The following CEP112 variants were observed in gnomAD, a reference collection of about 807,000 sequenced individuals.
CEP112 encodes centrosomal protein of 112 kDa.
A neutral mutation model predicts 153.0 loss-of-function variants in CEP112; 127 were observed. The observed-to-expected ratio is 0.83, with a 90% CI of 0.72 to 0.96. The LOEUF is 0.96. Among genes scored for constraint, CEP112 ranks in the 40% least tolerant of loss-of-function variants. CEP112 has a pLI of 0.00. For synonymous variants in CEP112, 358 were observed against 374.4 expected (o/e 0.96, Z 0.51); for missense variants, 1,089 against 1,101.2 (o/e 0.99, Z 0.16).
At chr17:65,842,605 G>A (rs2057562889) in intron 21 of CEP112, among the ~76,000 whole-genome samples, 1 of 152,244 alleles carries the variant, frequency 6.6e-6, no homozygotes, top group South Asian at 2.1e-4. Context: ...AAGCATTAAT[G>A]ATGATAGGTA....
At chr17:65,706,284 T>C (rs766609569) in intron 23 of CEP112, among the ~76,000 whole-genome samples, 2 of 152,096 alleles carry the variant, frequency 1.3e-5, no homozygotes, top group South Asian at 4.1e-4. Flanking sequence ...GGGGAAAGAA[T>C]TGTCTGCCAA....
At chr17:65,934,293 TA>T (rs1168040566) in intron 18 of CEP112, among the ~76,000 whole-genome samples, 1 of 152,138 alleles carries the variant, frequency 6.6e-6, no homozygotes, top group Admixed American at 6.5e-5. Flanking sequence ...TTATATGCAA[TA>T]AAGTTATTAT....
chr17:65,752,262 G>A (rs895518195), intron 21 of CEP112, among the ~76,000 whole-genome samples: 1 of 151,978 alleles, frequency 6.6e-6, no homozygotes, highest in Non-Finnish European at 1.5e-5. Context: ...TCAAAGTGAG[G>A]TCTCCAAAGC....
chr17:65,826,753 T>A (rs993655291), intron 21 of CEP112, among the ~76,000 whole-genome samples: 2 of 152,220 alleles, frequency 1.3e-5, no homozygotes, highest in Admixed American at 1.3e-4. Flanking sequence ...AAAATTCACA[T>A]ATCCCATCTC....
At chr17:65,979,790 T>C (rs2145119787) in intron 17 of CEP112, among the ~76,000 whole-genome samples, 1 of 152,138 alleles carries the variant, frequency 6.6e-6, no homozygotes, top group East Asian at 1.9e-4. Flanking sequence ...ATAATAAACA[T>C]ATAGTCACAT....
intron 20 of CEP112, among the ~76,000 whole-genome samples, chr17:65,857,738 A>G (rs1170260094): frequency 6.6e-6 from 1 of 152,048 alleles, no homozygotes; most frequent in African/African-American, 2.4e-5. Context: ...ATATTTTTAA[A>G]TTGATGTTAT....
rs190766787 is a variant in CEP112 at position 65,966,171 on chromosome 17, G to C, written c.1737-4573C>G. Among the ~76,000 whole-genome samples, 434 of 152,238 alleles carry C rather than the reference G, an allele frequency of 2.9e-3. 4 individuals are homozygous for C. The highest frequency in any genetic ancestry group is 1.0e-2 in the African/African-American group (415 of 41,558). The stretch of plus-strand genomic sequence containing the variant: ...TTTAGCTCTGATTTATTCATAAAGT[G>C]CAGTAAATTTTCCTCATCTGAGTAT... On this transcript the variant is annotated intron_variant, in intron 17 of 26. Transcript: ENST00000535342.
At chr17:66,001,214 C>T (rs956346820) in intron 17 of CEP112, among the ~76,000 whole-genome samples, 2 of 152,104 alleles carry the variant, frequency 1.3e-5, no homozygotes, top group African/African-American at 4.8e-5. Flanking sequence ...GTGTGGTCTG[C>T]GTGAGCTTTT....
chr17:65,996,908 C>G (rs11079617), intron 17 of CEP112, among the ~76,000 whole-genome samples: 62,487 of 151,942 alleles, frequency 0.41, 14,315 homozygotes, highest in East Asian at 0.87. Flanking sequence ...AATACTTTTT[C>G]TTTTCATTAA....
intron 21 of CEP112, among the ~76,000 whole-genome samples, chr17:65,776,700 C>T (rs1047946541): frequency 2.0e-5 from 3 of 152,134 alleles, no homozygotes; most frequent in African/African-American, 7.2e-5. Context: ...TGTTTCATTG[C>T]ACCACTGATT....
intron 21 of CEP112, among the ~76,000 whole-genome samples, chr17:65,797,671 T>C (rs1379737056): frequency 6.6e-6 from 1 of 152,190 alleles, no homozygotes; most frequent in Non-Finnish European, 1.5e-5. Context: ...ACCACACACC[T>C]GAATAGTTTA....
rs185694901 is a variant in CEP112 at position 65,905,969 on chromosome 17, A to G, written c.1981-3635T>C. Among the ~76,000 whole-genome samples the G allele has an allele frequency of 4.6e-3, 694 of 152,094 alleles. 7 individuals are homozygous for G. The highest frequency in any genetic ancestry group is 0.016 in the African/African-American group (661 of 41,494). On this transcript the variant is annotated intron_variant, in intron 19 of 26. Transcript: ENST00000535342. ...CAAAAAAAAAAAAGAAGACACATGC[A>G]CACTTATGTTTATTGCAGCACCCTT...
At chr17:65,863,494 G>A (rs577365210) in intron 20 of CEP112, among the ~76,000 whole-genome samples, 244 of 152,162 alleles carry the variant, frequency 1.6e-3, no homozygotes, top group African/African-American at 4.1e-3. Flanking sequence ...TGGGCCGGGC[G>A]CGGTGGCTCA....
At position 66,070,114 on chromosome 17, in the gene CEP112, T is replaced by G. The variant is rs2067258027; in HGVS notation, c.769-113A>C. 1.1e-5 allele frequency: 7 copies of G among 621,238 alleles called. No individual in the cohort carries two copies. The South Asian group carries it at 1.5e-4, about 13-fold the overall frequency. 38.5% of individuals were successfully genotyped at this position (621,238 alleles called of 1,614,324 possible). Reference sequence around the variant, plus strand: ...AAAGACAGTTATCATTTTCCACCTTTACCTTGTAGTCACAGATTCTAGCAA... The same window carrying G: ...AAAGACAGTTATCATTTTCCACCTTGACCTTGTAGTCACAGATTCTAGCAA... On this transcript the variant is annotated intron_variant, in intron 8 of 26. Transcript: ENST00000535342.
chr17:66,067,461 G>C (rs910176629), intron 9 of CEP112, among the ~76,000 whole-genome samples: 2 of 152,048 alleles, frequency 1.3e-5, no homozygotes, highest in Non-Finnish European at 2.9e-5. Flanking sequence ...TTATACTTAC[G>C]ATATCTACTG....
At chr17:65,684,425 TC>T (rs1410311478) in intron 24 of CEP112, among the ~76,000 whole-genome samples, 1 of 152,248 alleles carries the variant, frequency 6.6e-6, no homozygotes, top group East Asian at 1.9e-4. Flanking sequence ...GGAATTTTGC[TC>T]TGTGTATGTT....
chr17:66,056,655 T>C (rs1468414228), intron 11 of CEP112, among the ~76,000 whole-genome samples: 1 of 152,214 alleles, frequency 6.6e-6, no homozygotes, highest in Non-Finnish European at 1.5e-5. Context: ...TATTATATTA[T>C]TGTATTTATA....
Position 65,851,993 on chromosome 17 carries a change from T to G in CEP112, c.2205A>C (p.Glu735Asp). The G allele has an allele frequency of 1.2e-6, 2 of 1,612,962 alleles. No homozygotes were observed. Among genetic ancestry groups the G allele is most frequent in the Non-Finnish European group, 1.7e-6 (2 of 1,179,808 alleles). ...GCTGTGAGTTCACATTGATCAATTCTTCTCTCAACTTGTGAACCTGGGCCT... is the reference window on the plus strand; with the variant it reads ...GCTGTGAGTTCACATTGATCAATTCGTCTCTCAACTTGTGAACCTGGGCCT... ...DMEAQVHKLREELINVNSQRK... is the reference protein window; with the variant it reads ...DMEAQVHKLRDELINVNSQRK... The change falls in exon 21 of 27, where the codon GAA becomes GAC. Residue 735 changes from glutamate to aspartate, a missense_variant. Coordinates refer to ENST00000535342, the MANE Select transcript of CEP112 (RefSeq NM_001199165.4).
intron 23 of CEP112, among the ~76,000 whole-genome samples, chr17:65,733,348 T>C (rs1252940994): frequency 1.3e-5 from 2 of 152,092 alleles, no homozygotes; most frequent in African/African-American, 4.8e-5. Context: ...ACAGATATAA[T>C]AATGAAAAGG....
Sources: gnomAD v4.1 joint callset for allele counts (sites outside exome capture counted in the v4.1 genomes callset) on GRCh38, gnomAD v4.1.1 for gene constraint, MANE v1.5 for transcripts, NCBI Gene and HGNC (gene_info 2026-07-23, HGNC 2026-07-21) for gene names.